Variants in NBEA observed in about 807,000 individuals in gnomAD.
The protein encoded by NBEA is lysosomal-trafficking regulator 2.
In NBEA, 44 loss-of-function variants were observed where a neutral mutation model predicts 343.4. The observed-to-expected ratio is 0.13, with a 90% CI of 0.10 to 0.16. The LOEUF is 0.16. Among genes scored for constraint, NBEA ranks in the 10% least tolerant of loss-of-function variants. The probability of loss-of-function intolerance (pLI) is 1.00; values close to 1 mark genes in which losing one functional copy is unlikely to be tolerated. For missense variants in NBEA, 2,555 were observed against 3,631.3 expected, an observed-to-expected ratio of 0.70 and a Z score of 7.62; for synonymous variants, 1,175 against 1,238.7, an observed-to-expected ratio of 0.95 and a Z score of 1.08.
chr13:35,474,042 T>C (rs185574440), intron 41 of NBEA: 2 of 152,250 alleles, frequency 1.3e-5, no homozygotes, highest in African/African-American at 4.8e-5. Flanking sequence ...TAGATTGTTA[T>C]CTTATGGACC....
intron 36 of NBEA, among the ~76,000 whole-genome samples, chr13:35,314,166 G>A (rs1237121662): frequency 2.0e-5 from 3 of 152,080 alleles, no homozygotes; most frequent in African/African-American, 2.4e-5. Flanking sequence ...GAAGTGGCAG[G>A]TAAGGTCATT....
At chr13:35,074,533 C>T (rs1173916292) in intron 10 of NBEA, among the ~76,000 whole-genome samples, 1 of 152,064 alleles carries the variant, frequency 6.6e-6, no homozygotes, top group Non-Finnish European at 1.5e-5. Flanking sequence ...TAATATATTG[C>T]GTAAGTGTTC....
chr13:35,168,961 G>A, intron 24 of NBEA, 26 bp from the exon 25 acceptor site: 1 of 1,415,688 alleles, frequency 7.1e-7, no homozygotes, highest in Non-Finnish European at 9.3e-7. Context: ...TTGGTCTGTT[G>A]TCTGTTTTGT....
chr13:35,174,684 T>G (rs574491504), intron 27 of NBEA, among the ~76,000 whole-genome samples: 1 of 152,264 alleles, frequency 6.6e-6, no homozygotes, highest in Admixed American at 6.5e-5. Flanking sequence ...TTTGGGAAAT[T>G]AAATACAAAT....
At chr13:35,414,778 T>C (rs2043801983) in intron 38 of NBEA, among the ~76,000 whole-genome samples, 1 of 152,202 alleles carries the variant, frequency 6.6e-6, no homozygotes, top group Admixed American at 6.5e-5. Context: ...ATGGTATTTC[T>C]AGTTCTAGAT....
chr13:35,255,431 G>T (rs2032474898), intron 34 of NBEA, among the ~76,000 whole-genome samples: 1 of 152,258 alleles, frequency 6.6e-6, no homozygotes, highest in South Asian at 2.1e-4. Context: ...TCCCATGCGA[G>T]CCAGGCACAG....
chr13:35,184,904 A>T (rs767219881), intron 30 of NBEA, among the ~76,000 whole-genome samples: 1 of 152,148 alleles, frequency 6.6e-6, no homozygotes, highest in Non-Finnish European at 1.5e-5. Flanking sequence ...CGCACTCTGC[A>T]AAATTCCTGG....
At chr13:35,545,294 G>GTTATA (rs2079013322) in intron 41 of NBEA, among the ~76,000 whole-genome samples, 2 of 152,068 alleles carry the variant, frequency 1.3e-5, no homozygotes, top group Non-Finnish European at 2.9e-5. Context: ...CTTGCCTGAA[G>GTTATA]CAGCATCCCC....
intron 38 of NBEA, among the ~76,000 whole-genome samples, chr13:35,414,446 G>C: frequency 6.6e-6 from 1 of 151,264 alleles, no homozygotes; most frequent in South Asian, 2.1e-4. Context: ...TGTTGTCATT[G>C]TTTAATTCCC....
At chr13:35,205,706 T>C (rs1213642442) in intron 31 of NBEA, among the ~76,000 whole-genome samples, 1 of 152,100 alleles carries the variant, frequency 6.6e-6, no homozygotes, top group Non-Finnish European at 1.5e-5. Context: ...AGACCCAGAC[T>C]ATATCAGCAC....
At chr13:35,477,420 T>C (rs1375663479) in intron 41 of NBEA, among the ~76,000 whole-genome samples, 1 of 152,212 alleles carries the variant, frequency 6.6e-6, no homozygotes, top group Non-Finnish European at 1.5e-5. Context: ...ATGCAGTCTT[T>C]GCACTTTGGT....
At chr13:35,628,875 A>G (rs971922108) in intron 49 of NBEA, among the ~76,000 whole-genome samples, 5 of 152,152 alleles carry the variant, frequency 3.3e-5, no homozygotes, top group Non-Finnish European at 7.4e-5. Context: ...CCAAGATTGC[A>G]CCACTGCACT....
intron 53 of NBEA, among the ~76,000 whole-genome samples, chr13:35,653,203 T>C (rs891791057): frequency 3.9e-5 from 6 of 152,190 alleles, no homozygotes; most frequent in African/African-American, 1.4e-4. Flanking sequence ...TGTAAGACAG[T>C]TTTTAATAAT....
intron 40 of NBEA, among the ~76,000 whole-genome samples, chr13:35,463,844 C>T (rs1007400214): frequency 2.0e-5 from 3 of 151,582 alleles, no homozygotes; most frequent in African/African-American, 2.4e-5. Context: ...GCAGAGGGGG[C>T]AGGGGAGGGT....
At chr13:35,252,890 G>A (rs1196145143) in intron 34 of NBEA, among the ~76,000 whole-genome samples, 2 of 152,168 alleles carry the variant, frequency 1.3e-5, no homozygotes, top group Non-Finnish European at 2.9e-5. Flanking sequence ...GGACTTGAGA[G>A]AGGAGGCCTG....
chr13:35,232,724 G>A, intron 34 of NBEA, 105 bp downstream of exon 34: 1 of 858,592 alleles, frequency 1.2e-6, no homozygotes, highest in Non-Finnish European at 1.6e-6. Context: ...AGAATGTAAA[G>A]GCATTACTTC....
At chr13:35,459,144 ATCTCC>A (rs1566164340) in intron 40 of NBEA, among the ~76,000 whole-genome samples, 1 of 152,028 alleles carries the variant, frequency 6.6e-6, no homozygotes, top group African/African-American at 2.4e-5. Context: ...AGTGCCAGTC[ATCTCC>A]TTCATGACCC....
At chr13:35,331,470 T>G (rs2038923185) in intron 36 of NBEA, among the ~76,000 whole-genome samples, 1 of 152,164 alleles carries the variant, frequency 6.6e-6, no homozygotes, top group South Asian at 2.1e-4. Context: ...AGATACAAAC[T>G]AGTTCTCCCT....
intron 1 of NBEA, among the ~76,000 whole-genome samples, chr13:34,968,251 C>T (rs373803310): frequency 9.9e-5 from 15 of 152,204 alleles, no homozygotes; most frequent in Admixed American, 3.3e-4. Context: ...TCCTGGACCT[C>T]GTTGTTTGAG....
Sources: gnomAD v4.1 joint callset for allele counts (sites outside exome capture counted in the v4.1 genomes callset) on GRCh38, gnomAD v4.1.1 for gene constraint, MANE v1.5 for transcripts, NCBI Gene and HGNC (gene_info 2026-07-23, HGNC 2026-07-21) for gene names.